The following CFAP210 variants were observed in gnomAD, a reference collection of about 807,000 sequenced individuals.
The protein encoded by CFAP210 is cilia and flagella associated protein 210.
At chr2:169,673,778 T>G in the CFAP210 span, among the ~76,000 whole-genome samples, 3 of 151,994 alleles carry the variant, frequency 2.0e-5, no homozygotes, top group Non-Finnish European at 2.9e-5. Context: ...ATTTTGGGAG[T>G]GATGGAAATG....
the CFAP210 span, chr2:169,649,366 G>T: frequency 1.9e-6 from 3 of 1,600,016 alleles, no homozygotes; most frequent in South Asian, 2.2e-5. Context: ...TAAAGGCAAA[G>T]GAAACATATA....
the CFAP210 span, among the ~76,000 whole-genome samples, chr2:169,692,458 A>G: frequency 6.6e-6 from 1 of 150,634 alleles, no homozygotes; most frequent in Non-Finnish European, 1.5e-5. Flanking sequence ...ACACACACAC[A>G]CACACACACA....
At chr2:169,662,535 C>T in the CFAP210 span, 1 of 1,047,238 alleles carries the variant, frequency 9.5e-7, no homozygotes, top group Non-Finnish European at 1.3e-6. Context: ...GTTGAAGCTG[C>T]AAGGAAAAAT....
chr2:169,652,190 C>G, the CFAP210 span, among the ~76,000 whole-genome samples: 2 of 151,954 alleles, frequency 1.3e-5, no homozygotes, highest in Non-Finnish European at 2.9e-5. Context: ...AGTGCATACT[C>G]CAAGGAAATT....
chr2:169,677,186 G>T, the CFAP210 span, among the ~76,000 whole-genome samples: 1 of 152,146 alleles, frequency 6.6e-6, no homozygotes, highest in Non-Finnish European at 1.5e-5. Flanking sequence ...TCACAGTTTC[G>T]AGTACTCTGG....
At chr2:169,686,895 C>T in the CFAP210 span, among the ~76,000 whole-genome samples, 62 of 152,290 alleles carry the variant, frequency 4.1e-4, no homozygotes, top group African/African-American at 1.4e-3. Flanking sequence ...CTGATAAAGA[C>T]ATACCTGAGA....
the CFAP210 span, among the ~76,000 whole-genome samples, chr2:169,664,056 G>T: frequency 2.0e-5 from 3 of 150,982 alleles, no homozygotes; most frequent in African/African-American, 7.3e-5. Flanking sequence ...AAATTTGGCC[G>T]GATGTGGTGG....
chr2:169,675,375 G>A, the CFAP210 span, among the ~76,000 whole-genome samples: 1 of 152,202 alleles, frequency 6.6e-6, no homozygotes, highest in Non-Finnish European at 1.5e-5. Flanking sequence ...TCTGTAGGCT[G>A]TACAGGAAGG....
At chr2:169,692,444 G>GCGCGCACACACACA in the CFAP210 span, among the ~76,000 whole-genome samples, 1 of 143,668 alleles carries the variant, frequency 7.0e-6, no homozygotes, top group Non-Finnish European at 1.5e-5. Context: ...ACAGGCGCAC[G>GCGCGCACACACACA]CACACACACA....
At chr2:169,645,757 C>A in the CFAP210 span, 3 of 846,690 alleles carry the variant, frequency 3.5e-6, no homozygotes, top group Non-Finnish European at 5.4e-6. Context: ...AGATGAAGAA[C>A]AGCTTTATTA....
At chr2:169,666,785 G>GAGAATATTATATAAA in the CFAP210 span, among the ~76,000 whole-genome samples, 1 of 152,114 alleles carries the variant, frequency 6.6e-6, no homozygotes, top group Non-Finnish European at 1.5e-5. Context: ...ACCTGCTGCT[G>GAGAATATTATATAAA]CTTTATCAAC....
At chr2:169,645,720 T>C in the CFAP210 span, 1 of 681,510 alleles carries the variant, frequency 1.5e-6, no homozygotes, top group African/African-American at 1.8e-5. Context: ...CTGAGAACAA[T>C]CAATTAAATC....
the CFAP210 span, among the ~76,000 whole-genome samples, chr2:169,648,598 ATTATC>A: frequency 6.6e-6 from 1 of 152,220 alleles, no homozygotes; most frequent in Non-Finnish European, 1.5e-5. Flanking sequence ...AAAAATGTCC[ATTATC>A]TTTGGTCATT....
chr2:169,660,667 G>C, the CFAP210 span, among the ~76,000 whole-genome samples: 1 of 150,078 alleles, frequency 6.7e-6, no homozygotes, highest in Admixed American at 6.7e-5. Flanking sequence ...GCAGTGGCAC[G>C]ATCTTGACTC....
chr2:169,690,256 G>C, the CFAP210 span, among the ~76,000 whole-genome samples: 1 of 152,258 alleles, frequency 6.6e-6, no homozygotes, highest in South Asian at 2.1e-4. Flanking sequence ...GTCTGATGTT[G>C]GTATCAGGGT....
the CFAP210 span, among the ~76,000 whole-genome samples, chr2:169,659,531 TCA>T: frequency 6.6e-6 from 1 of 152,134 alleles, no homozygotes; most frequent in African/African-American, 2.4e-5. Flanking sequence ...GAGAATTCAC[TCA>T]CAAGACAGCA....
the CFAP210 span, chr2:169,662,240 G>T: frequency 6.3e-7 from 1 of 1,580,348 alleles, no homozygotes; most frequent in South Asian, 1.2e-5. Context: ...TTGGGCATTT[G>T]ACTTTGAACC....
the CFAP210 span, among the ~76,000 whole-genome samples, chr2:169,682,953 T>C: frequency 6.6e-6 from 1 of 152,164 alleles, no homozygotes; most frequent in African/African-American, 2.4e-5. Context: ...CAACAAATAT[T>C]AGCTATTATT....
the CFAP210 span, among the ~76,000 whole-genome samples, chr2:169,672,709 C>G: frequency 6.6e-6 from 1 of 152,190 alleles, no homozygotes; most frequent in Non-Finnish European, 1.5e-5. Context: ...TTTGTTCTAG[C>G]TGTGCCGGCA....
Sources: allele counts gnomAD v4.1 joint callset (sites outside exome capture counted in the v4.1 genomes callset), GRCh38; gene constraint gnomAD v4.1.1; transcripts MANE v1.5; gene names NCBI Gene and HGNC (gene_info 2026-07-23, HGNC 2026-07-21).